IARS2: variants seen among roughly 807,000 people sequenced by gnomAD.
The protein encoded by IARS2 is isoleucyl-tRNA synthetase 2, mitochondrial, also known as isoleucine--tRNA ligase, mitochondrial.
IARS2 carries 56 observed loss-of-function variants against 126.3 expected under a neutral mutation model. The ratio of observed to expected loss-of-function variants is 0.44; its 90% CI spans 0.36 to 0.55. The LOEUF (loss-of-function observed/expected upper bound fraction) is 0.55. Ranked by LOEUF, IARS2 falls within the 20% of genes least tolerant of loss-of-function variation. IARS2 has a pLI of 0.00. For synonymous variants in IARS2, 407 were observed against 441.1 expected, an observed-to-expected ratio of 0.92 and a Z score of 0.97; for missense variants, 1,127 against 1,245.9, an observed-to-expected ratio of 0.90 and a Z score of 1.44.
rs1447025850 is a variant in IARS2, at chr1:220,147,731, G to A, written c.*96G>A. The stretch of plus-strand genomic sequence containing the variant: ...TATAGGAAAGAAAGCCAAGATTTAG[G>A]TAATGAGTGGATGAGTAAATGGTGG... On this transcript the variant is annotated 3_prime_UTR_variant, in exon 23 of 23. Transcript: ENST00000366922. The A allele has an allele frequency of 1.2e-5, 15 of 1,256,016 alleles. No individual in the cohort carries two copies. Among genetic ancestry groups the A allele is most frequent in the Admixed American group, 4.3e-5 (2 of 46,264 alleles). 77.8% of individuals were successfully genotyped at this position (1,256,016 alleles called of 1,614,324 possible). A position where few individuals can be genotyped will look rare whatever the true frequency, so the allele number is the denominator to read the frequency against.
chr1:220,134,000 C>T (rs1379615663), intron 14 of IARS2, among the ~76,000 whole-genome samples: 2 of 150,856 alleles, frequency 1.3e-5, no homozygotes, highest in African/African-American at 4.9e-5. Flanking sequence ...ATTTAACTGT[C>T]ATGTCTCTCT....
intron 12 of IARS2, among the ~76,000 whole-genome samples, chr1:220,122,227 A>G (rs935944797): frequency 6.6e-6 from 1 of 151,918 alleles, no homozygotes; most frequent in Middle Eastern, 3.2e-3. Context: ...ACTTTTTCCG[A>G]TGTTTATAGA....
In IARS2 at chr1:220,114,267, C is replaced by T. The variant is rs527678939; in HGVS notation, c.1480-47C>T. ...TTGGAAAATTGACTGTTCTAGAATA[C>T]TTGTTCTGCTTTCTCTCACAAGACT... On this transcript the variant is annotated intron_variant, in intron 11 of 22. Coordinates refer to ENST00000366922, the MANE Select transcript of IARS2 (RefSeq NM_018060.4). 3.3e-4 allele frequency: 501 copies of T among 1,536,824 alleles called. 4 individuals are homozygous for T. The South Asian group carries it at 5.3e-3, about 16-fold the overall frequency.
chr1:220,117,854 T>C (rs1441709743), intron 12 of IARS2: 2 of 526,062 alleles, frequency 3.8e-6, no homozygotes, highest in African/African-American at 3.9e-5. Flanking sequence ...TTTCTGATAT[T>C]GAAGTAGCAC....
At position 220,096,241 on chromosome 1, in the gene IARS2, G is replaced by A. The variant is rs768891439; in HGVS notation, c.390+15G>A. 1 of 1,514,088 alleles carries A rather than the reference G, an allele frequency of 6.6e-7. No homozygotes were observed. The highest frequency in any genetic ancestry group is 2.1e-5 in the Admixed American group (1 of 47,368). 93.8% of individuals were successfully genotyped at this position (1,514,088 alleles called of 1,614,324 possible). A position where few individuals can be genotyped will look rare whatever the true frequency, so the allele number is the denominator to read the frequency against. The stretch of plus-strand genomic sequence containing the variant: ...CTTTAAATAAGGTAACTATAATTTA[G>A]GTTATGACACTTGAAAGAAAGTGTT... On this transcript the variant is annotated intron_variant, in intron 2 of 22. Coordinates refer to ENST00000366922, the MANE Select transcript of IARS2 (RefSeq NM_018060.4).
chr1:220,094,294 C>T lies in IARS2; in HGVS notation c.78C>T (p.Arg26=), dbSNP rs1483165466. 1.2e-6 allele frequency: 2 copies of T among 1,611,716 alleles called. No homozygotes were observed. Among genetic ancestry groups the T allele is most frequent in the African/African-American group, 2.7e-5 (2 of 74,902 alleles). Residue 26 remains arginine, a synonymous_variant, in exon 1 of 23, where the codon CGC becomes CGT. Coordinates refer to ENST00000366922, the MANE Select transcript of IARS2 (RefSeq NM_018060.4). Reference sequence around the variant, plus strand: ...CCCGAAGTTTGTGGGGGACGCCCCGCCTTCCCTGCAGCCCGGGATGGCAAG... The same window carrying T: ...CCCGAAGTTTGTGGGGGACGCCCCGTCTTCCCTGCAGCCCGGGATGGCAAG... The part of the protein sequence containing the change: ...ATARSLWGTP[R]LPCSPGWQGA...
chr1:220,125,167 T>C (rs1657127358), intron 12 of IARS2, 70 bp from the exon 13 acceptor site: 1 of 876,312 alleles, frequency 1.1e-6, no homozygotes, highest in Non-Finnish European at 1.7e-6. Context: ...CACTATTTCT[T>C]AATTTTAAAA....
intron 22 of IARS2, 119 bp from the exon 23 acceptor site, chr1:220,147,374 T>A: frequency 1.1e-6 from 1 of 907,368 alleles, no homozygotes; most frequent in East Asian, 2.5e-5. Context: ...GGGAAGTGTC[T>A]GACAAGCTTT....
Position 220,103,474 on chromosome 1 carries a change from T to G in IARS2, c.978T>G (p.Ser326=). ...ATGCTGTTGTGAAATGTTCTAAGTC[T>G]GGAGACCTCTACGTACTGGCGGCAG... ...SKYAVVKCSK[S]GDLYVLAADK... is the part of the protein sequence containing the mutation. Residue 326 remains serine, a synonymous_variant, in exon 8 of 23, where the codon TCT becomes TCG. Transcript: ENST00000366922. The G allele has an allele frequency of 6.2e-7, 1 of 1,612,098 alleles. No homozygotes were observed. Among genetic ancestry groups the G allele is most frequent in the Admixed American group, 1.7e-5 (1 of 60,022 alleles).
intron 11 of IARS2, among the ~76,000 whole-genome samples, chr1:220,112,589 T>A (rs1656829967): frequency 6.7e-6 from 1 of 148,688 alleles, no homozygotes; most frequent in South Asian, 2.1e-4. Flanking sequence ...AACAGGGTCT[T>A]GCTCTGTCAC....
In IARS2 at chr1:220,142,009, A is replaced by T; in HGVS notation, c.2560+61A>T. ...TATCCCTGATCAAGGTGCAACTTCTACTTCTATCTGCTTCATAAAAGGGGC... is the reference window on the plus strand; with the variant it reads ...TATCCCTGATCAAGGTGCAACTTCTTCTTCTATCTGCTTCATAAAAGGGGC... On this transcript the variant is annotated intron_variant, in intron 20 of 22. Coordinates refer to ENST00000366922, the MANE Select transcript of IARS2 (RefSeq NM_018060.4). 3 of 1,493,770 alleles carry T rather than the reference A, an allele frequency of 2.0e-6. No individual in the cohort carries two copies. The South Asian group carries it at 3.6e-5, about 18-fold the overall frequency. The allele number at this position is 1,493,770 out of a possible 1,614,324, so 92.5% of individuals were successfully genotyped here. A position where few individuals can be genotyped will look rare whatever the true frequency, so the allele number is the denominator to read the frequency against.
chr1:220,127,970 C>T (rs1423296026), intron 14 of IARS2, among the ~76,000 whole-genome samples: 3 of 152,064 alleles, frequency 2.0e-5, no homozygotes, highest in African/African-American at 4.8e-5. Context: ...CCCTAAATTA[C>T]AGTCATGTGT....
In IARS2 at chr1:220,100,570, G is replaced by T. The variant is rs749420153; in HGVS notation, c.471G>T (p.Gly157=). The T allele has an allele frequency of 1.2e-6, 2 of 1,613,200 alleles. No individual in the cohort carries two copies. The highest frequency in any genetic ancestry group is 2.2e-5 in the South Asian group (2 of 91,030). ...TTGTGCCCGGCTGGGATTGTCATGGGTTGCCCATTGAAATAAAAGTATTAT... is the reference window on the plus strand; with the variant it reads ...TTGTGCCCGGCTGGGATTGTCATGGTTTGCCCATTGAAATAAAAGTATTAT... ...IHFVPGWDCH[G]LPIEIKVLSE... is the part of the protein sequence containing the mutation. The change falls in exon 3 of 23, where the codon GGG becomes GGT. Residue 157 remains glycine, a synonymous_variant. Coordinates refer to ENST00000366922, the MANE Select transcript of IARS2 (RefSeq NM_018060.4).
At chr1:220,107,823 C>T (rs925449038) in intron 10 of IARS2, among the ~76,000 whole-genome samples, 1 of 152,164 alleles carries the variant, frequency 6.6e-6, no homozygotes, top group Admixed American at 6.5e-5. Flanking sequence ...TTTGGTGGCT[C>T]CTGGAAATCC....
rs967036580 is a variant in IARS2, at chr1:220,110,953, T to C, written c.1479+16T>C. On this transcript the variant is annotated intron_variant, in intron 11 of 22. Coordinates refer to ENST00000366922, the MANE Select transcript of IARS2 (RefSeq NM_018060.4). ...TGCAGCCAAGGTATAAAAAGCATCC[T>C]GTTTTAACAGGTCGGGCATATCATT... 5.0e-6 allele frequency: 8 copies of C among 1,610,522 alleles called. No homozygotes were observed. Among genetic ancestry groups the C allele is most frequent in the East Asian group, 4.5e-5 (2 of 44,866 alleles).
At chr1:220,104,844 T>C (rs1193668902) in intron 8 of IARS2, among the ~76,000 whole-genome samples, 1 of 152,150 alleles carries the variant, frequency 6.6e-6, no homozygotes, top group African/African-American at 2.4e-5. Flanking sequence ...TAAAATTATC[T>C]TTGATCCTTA....
chr1:220,139,642 T>C (rs895964846), intron 18 of IARS2, among the ~76,000 whole-genome samples: 8 of 152,118 alleles, frequency 5.3e-5, no homozygotes, highest in African/African-American at 1.9e-4. Context: ...TCCCAGCTCC[T>C]TGGGAGGCTG....
At position 220,111,600 on chromosome 1, in the gene IARS2, G is replaced by C. The variant is rs11808669; in HGVS notation, c.1479+663G>C. On this transcript the variant is annotated intron_variant, in intron 11 of 22. Coordinates refer to ENST00000366922, the MANE Select transcript of IARS2 (RefSeq NM_018060.4). ...GGTATATATATATATATATATATATGTGTGTGTGTGTGTGTGTGTGTGTGT... is the reference window on the plus strand; with the variant it reads ...GGTATATATATATATATATATATATCTGTGTGTGTGTGTGTGTGTGTGTGT... Among the ~76,000 whole-genome samples the C allele has an allele frequency of 4.8e-5, 5 of 105,102 alleles. No homozygotes were observed. In the East Asian group the frequency reaches 8.5e-4, roughly 18 times the overall value. The allele number at this position is 105,102 out of a possible 152,430, so 69.0% of individuals were successfully genotyped here.
chr1:220,145,079 AC>A lies in IARS2; in HGVS notation c.2752-429del, dbSNP rs543108537. Among the ~76,000 whole-genome samples the A allele has an allele frequency of 5.3e-5, 8 of 151,620 alleles. No homozygotes were observed. The South Asian group carries it at 1.7e-3, about 32-fold the overall frequency. On this transcript the variant is annotated intron_variant, in intron 21 of 22. Coordinates refer to ENST00000366922, the MANE Select transcript of IARS2 (RefSeq NM_018060.4). ...GTATTTTAGCCCCTCACCCAATGAT[AC>A]ATGAAAAAAAAAAAAAAAGGCTTTG... is the stretch of plus-strand genomic sequence containing the variant.
Sources: gnomAD v4.1 joint callset for allele counts (sites outside exome capture counted in the v4.1 genomes callset) on GRCh38, gnomAD v4.1.1 for gene constraint, MANE v1.5 for transcripts, NCBI Gene and HGNC (gene_info 2026-07-23, HGNC 2026-07-21) for gene names.